The following RBM33 variants were observed in gnomAD, a reference collection of about 807,000 sequenced individuals.
RBM33 encodes the protein RNA binding motif protein 33.
In RBM33, 28 loss-of-function variants were observed where a neutral mutation model predicts 132.6. That is an observed-to-expected ratio of 0.21 (90% CI 0.16 to 0.29). The LOEUF (loss-of-function observed/expected upper bound fraction) is 0.29. RBM33 is among the 10% of genes least tolerant of loss of function. RBM33 has a pLI of 1.00. For missense variants in RBM33, 1,291 were observed against 1,518.5 expected, an observed-to-expected ratio of 0.85 and a Z score of 2.49; for synonymous variants, 634 against 593.0, an observed-to-expected ratio of 1.07 and a Z score of -1.01.
intron 5 of RBM33, among the ~76,000 whole-genome samples, chr7:155,697,068 T>C (rs2116951230): frequency 6.6e-6 from 1 of 152,332 alleles, no homozygotes; most frequent in South Asian, 2.1e-4. Flanking sequence ...GTTTTCTTCA[T>C]TGTAATGTTG....
In RBM33 at chr7:155,738,330, T is replaced by C. The variant is rs377590407; in HGVS notation, c.1664T>C (p.Ile555Thr). 6.2e-7 allele frequency: 1 copy of C among 1,613,842 alleles called. No individual in the cohort carries two copies. Among genetic ancestry groups the C allele is most frequent in the Non-Finnish European group, 8.5e-7 (1 of 1,179,892 alleles). ...QPGSATTRPF[I>T]PPRQPFLPGP... ...GGGTCGGCAACCACACGGCCCTTCA[T>C]TCCTCCTAGACAGCCGTTCCTGCCA... Residue 555 changes from isoleucine to threonine, a missense_variant, in exon 11 of 18, where the codon ATT becomes ACT. Coordinates refer to ENST00000401878, the MANE Select transcript of RBM33 (RefSeq NM_053043.3).
At chr7:155,756,850 G>A (rs940402772) in intron 14 of RBM33, among the ~76,000 whole-genome samples, 1 of 152,118 alleles carries the variant, frequency 6.6e-6, no homozygotes, top group Non-Finnish European at 1.5e-5. Context: ...TGTGGTATCT[G>A]GGTAGTATCA....
At chr7:155,651,355 C>G (rs1798347853) in intron 1 of RBM33, among the ~76,000 whole-genome samples, 1 of 152,092 alleles carries the variant, frequency 6.6e-6, no homozygotes, top group African/African-American at 2.4e-5. Context: ...GCATCCAGAT[C>G]TGCTCTTGAG....
At chr7:155,746,882 A>G (rs1801534264) in intron 14 of RBM33, among the ~76,000 whole-genome samples, 1 of 152,262 alleles carries the variant, frequency 6.6e-6, no homozygotes, top group Non-Finnish European at 1.5e-5. Context: ...CAGTAAAAAA[A>G]GAAAATAACT....
rs556639821 is a variant in RBM33, at chr7:155,740,169, A to T, written c.2049+143A>T. ...TGTGTAGTACATAGTTCTGAAGTGA[A>T]TCCATGTTTTAAAAAACACTCAGGT... On this transcript the variant is annotated intron_variant, in intron 12 of 17. Coordinates refer to ENST00000401878, the MANE Select transcript of RBM33 (RefSeq NM_053043.3). 5.3e-6 allele frequency: 6 copies of T among 1,130,036 alleles called. No homozygotes were observed. In the South Asian group the frequency reaches 1.4e-4, roughly 26 times the overall value. The allele number at this position is 1,130,036 out of a possible 1,614,324, so 70.0% of individuals were successfully genotyped here.
chr7:155,716,318 T>TTTTTTTTTG (rs976016792), intron 8 of RBM33, among the ~76,000 whole-genome samples: 2 of 144,808 alleles, frequency 1.4e-5, no homozygotes, highest in African/African-American at 2.5e-5. Context: ...TTTCTGCTGT[T>TTTTTTTTTG]TTTTTTTTTT....
intron 2 of RBM33, among the ~76,000 whole-genome samples, chr7:155,668,704 C>G (rs1026989614): frequency 6.6e-6 from 1 of 152,144 alleles, no homozygotes; most frequent in East Asian, 1.9e-4. Flanking sequence ...TGAGTCTTTC[C>G]TGTTGTTTAC....
chr7:155,685,822 C>G (rs1300642049), intron 5 of RBM33, among the ~76,000 whole-genome samples: 1 of 152,202 alleles, frequency 6.6e-6, no homozygotes, highest in Non-Finnish European at 1.5e-5. Context: ...CAGTTTTCAT[C>G]TTTTGTCAGG....
chr7:155,738,851 G>A (rs544514841), intron 11 of RBM33: 3 of 163,858 alleles, frequency 1.8e-5, no homozygotes, highest in East Asian at 1.8e-4. Flanking sequence ...GCCCTCTGCC[G>A]ACCGGCTTCT....
intron 1 of RBM33, among the ~76,000 whole-genome samples, chr7:155,653,385 G>A (rs1365497705): frequency 6.6e-6 from 1 of 151,690 alleles, no homozygotes; most frequent in African/African-American, 2.4e-5. Context: ...GATAAAAAAT[G>A]AATATTTTTT....
intron 11 of RBM33, 127 bp downstream of exon 11, chr7:155,738,530 C>T (rs932384387): frequency 7.7e-5 from 71 of 925,728 alleles, no homozygotes; most frequent in Admixed American, 1.5e-4. Flanking sequence ...GTATTAGTCT[C>T]AAATGTACTG....
At chr7:155,656,112 T>C (rs1297870898) in intron 1 of RBM33, among the ~76,000 whole-genome samples, 3 of 152,220 alleles carry the variant, frequency 2.0e-5, no homozygotes, top group African/African-American at 7.2e-5. Flanking sequence ...TATGTAAGTT[T>C]TCAAACAAAA....
intron 14 of RBM33, among the ~76,000 whole-genome samples, chr7:155,750,636 G>A (rs751031825): frequency 2.0e-5 from 3 of 151,952 alleles, no homozygotes; most frequent in African/African-American, 4.8e-5. Context: ...AGGATTAAAC[G>A]TCATAATCAT....
rs377696662 is a variant in RBM33, at chr7:155,745,023, A to C, written c.2400A>C (p.Leu800=). Residue 800 remains leucine (L), a synonymous_variant, in exon 14 of 18, where the codon CTA becomes CTC. Transcript: ENST00000401878. This position sits in a 1 kb window ranked among gnomAD's most constrained non-coding sequence, Gnocchi z 4.1. Reference sequence around the variant, plus strand: ...TAAAGATAGAAGAACAGAAACGCCTAAGAGAAGAAATCCTGAAACAGAAGG... The same window carrying C: ...TAAAGATAGAAGAACAGAAACGCCTCAGAGAAGAAATCCTGAAACAGAAGG... ...YRLKIEEQKR[L]REEILKQKEL... The C allele has an allele frequency of 1.2e-6, 2 of 1,610,330 alleles. No homozygotes were observed. The highest frequency in any genetic ancestry group is 2.7e-5 in the African/African-American group (2 of 74,542).
chr7:155,744,199 G>A (rs1023171192), intron 13 of RBM33, among the ~76,000 whole-genome samples: 9 of 152,134 alleles, frequency 5.9e-5, no homozygotes, highest in East Asian at 5.8e-4. Context: ...TATTTTACAC[G>A]GAGTCTGTGG....
At chr7:155,669,045 T>C (rs1798874925) in intron 2 of RBM33, among the ~76,000 whole-genome samples, 2 of 152,026 alleles carry the variant, frequency 1.3e-5, no homozygotes, top group Non-Finnish European at 2.9e-5. Flanking sequence ...GAACGAGCTC[T>C]TTTTTTTACT....
chr7:155,727,920 T>A (rs1163042781), intron 9 of RBM33, among the ~76,000 whole-genome samples: 1 of 147,994 alleles, frequency 6.8e-6, no homozygotes, highest in Non-Finnish European at 1.5e-5. Context: ...TGTCCCACCA[T>A]GCCTGGCTAA....
chr7:155,760,488 T>A (rs1413446224), intron 14 of RBM33, among the ~76,000 whole-genome samples: 1 of 152,166 alleles, frequency 6.6e-6, no homozygotes, highest in Non-Finnish European at 1.5e-5. Flanking sequence ...ACCTGGAGGT[T>A]GGTGTGAAGT....
chr7:155,695,539 A>G (rs541982357), intron 5 of RBM33, among the ~76,000 whole-genome samples: 51 of 151,946 alleles, frequency 3.4e-4, no homozygotes, highest in Admixed American at 8.5e-4. Context: ...GGCTCACTGC[A>G]CCCTCTGCCT....
Sources: gnomAD v4.1 joint callset for allele counts (sites outside exome capture counted in the v4.1 genomes callset) on GRCh38, gnomAD v4.1.1 for gene constraint, Gnocchi (gnomAD v3.1) non-coding constraint, MANE v1.5 for transcripts, NCBI Gene and HGNC (gene_info 2026-07-23, HGNC 2026-07-21) for gene names.